The following FOCAD variants were observed in gnomAD, a reference collection of about 807,000 sequenced individuals.
The protein encoded by FOCAD is KIAA1797.
A neutral mutation model predicts 225.6 loss-of-function variants in FOCAD; 198 were observed. That is an observed-to-expected ratio of 0.88 (90% CI 0.78 to 0.99). The LOEUF (loss-of-function observed/expected upper bound fraction) is 0.99. FOCAD is among the 50% of genes least tolerant of loss of function. The probability of loss-of-function intolerance (pLI) is 0.00; values close to 1 mark genes in which losing one functional copy is unlikely to be tolerated. For synonymous variants in FOCAD, 897 were observed against 755.0 expected (o/e 1.19, Z -3.08); for missense variants, 2,713 against 2,123.6 (o/e 1.28, Z -5.46).
intron 21 of FOCAD, among the ~76,000 whole-genome samples, chr9:20,904,488 C>G (rs936408314): frequency 6.6e-6 from 1 of 151,930 alleles, no homozygotes; most frequent in South Asian, 2.1e-4. Flanking sequence ...CTTCTCGCAT[C>G]CCTGCCCTCA....
chr9:20,956,523 C>G (rs1838149244), intron 35 of FOCAD, among the ~76,000 whole-genome samples: 1 of 151,856 alleles, frequency 6.6e-6, no homozygotes, highest in African/African-American at 2.4e-5. Context: ...TATATTGTAC[C>G]ATAAAATGTA....
intron 35 of FOCAD, among the ~76,000 whole-genome samples, chr9:20,975,977 G>T (rs1840195876): frequency 6.6e-6 from 1 of 152,054 alleles, no homozygotes; most frequent in South Asian, 2.1e-4. Context: ...TCAAATACGG[G>T]GAATAAGTTC....
chr9:20,853,363 A>C (rs921743771), intron 15 of FOCAD, among the ~76,000 whole-genome samples: 1 of 151,796 alleles, frequency 6.6e-6, no homozygotes, highest in Non-Finnish European at 1.5e-5. Context: ...CAATCTGTTT[A>C]ATAAATGTCT....
At chr9:20,987,194 T>G (rs1265239634) in intron 40 of FOCAD, among the ~76,000 whole-genome samples, 2 of 152,184 alleles carry the variant, frequency 1.3e-5, no homozygotes, top group Non-Finnish European at 1.5e-5. Flanking sequence ...TGTATTGTTA[T>G]GATTTTTAGG....
chr9:20,809,352 C>A (rs1587255442), intron 11 of FOCAD, among the ~76,000 whole-genome samples: 1 of 151,994 alleles, frequency 6.6e-6, no homozygotes, highest in Non-Finnish European at 1.5e-5. Flanking sequence ...ACTATTAAGC[C>A]CTTGAAATTT....
At chr9:20,790,129 G>C (rs920478422) in intron 11 of FOCAD, among the ~76,000 whole-genome samples, 5 of 152,132 alleles carry the variant, frequency 3.3e-5, no homozygotes, top group African/African-American at 7.2e-5. Flanking sequence ...TAGGATATGA[G>C]GGTAAACAAT....
chr9:20,803,536 C>A (rs934445847), intron 11 of FOCAD, among the ~76,000 whole-genome samples: 4 of 152,060 alleles, frequency 2.6e-5, no homozygotes, highest in Admixed American at 2.0e-4. Context: ...TTAGTGTTCC[C>A]TTTGACAGAA....
At chr9:20,727,881 C>A (rs1826339312) in intron 4 of FOCAD, among the ~76,000 whole-genome samples, 1 of 152,108 alleles carries the variant, frequency 6.6e-6, no homozygotes, top group Non-Finnish European at 1.5e-5. Flanking sequence ...TTAATTCTAC[C>A]CCTGGTCAAA....
At chr9:20,964,786 G>C (rs770732997) in intron 35 of FOCAD, among the ~76,000 whole-genome samples, 2 of 152,052 alleles carry the variant, frequency 1.3e-5, no homozygotes, top group African/African-American at 4.8e-5. Context: ...CATCCTCCTC[G>C]GCCTCCCAAA....
intron 11 of FOCAD, among the ~76,000 whole-genome samples, chr9:20,819,271 T>C (rs1209216825): frequency 6.6e-6 from 1 of 152,142 alleles, no homozygotes; most frequent in East Asian, 1.9e-4. Context: ...TGGAGTGCAA[T>C]GGTGCAATCA....
intron 35 of FOCAD, among the ~76,000 whole-genome samples, chr9:20,962,967 A>C (rs900612769): frequency 6.6e-6 from 1 of 152,210 alleles, no homozygotes; most frequent in African/African-American, 2.4e-5. Flanking sequence ...TGGGGAAGGA[A>C]CTAGTTCACT....
At chr9:20,915,346 C>G (rs1420787598) in intron 23 of FOCAD, among the ~76,000 whole-genome samples, 3 of 151,994 alleles carry the variant, frequency 2.0e-5, no homozygotes, top group Admixed American at 6.6e-5. Context: ...AAGAGGGAAC[C>G]AATAAAGCAG....
At chr9:20,979,565 C>T (rs1358046510) in intron 37 of FOCAD, among the ~76,000 whole-genome samples, 3 of 152,154 alleles carry the variant, frequency 2.0e-5, no homozygotes, top group Non-Finnish European at 4.4e-5. Flanking sequence ...TTTCGAACTC[C>T]TGACCTCAAG....
rs1333427635 is a variant in FOCAD, at chr9:20,986,449, G to A, written c.4890G>A (p.Val1630=). 2 of 1,610,520 alleles carry A rather than the reference G, an allele frequency of 1.2e-6. No individual in the cohort carries two copies. The highest frequency in any genetic ancestry group is 1.7e-5 in the Admixed American group (1 of 59,454). ...ILHSLYQARI[V]SHANTGVLKR... The stretch of plus-strand genomic sequence containing the variant: ...ACAGCTTATACCAGGCACGGATTGT[G>A]AGCCATGCCAATACGGGTGAGGACA... The change falls in exon 40 of 44, where the codon GTG becomes GTA. Residue 1630 remains valine, a synonymous_variant. Coordinates refer to ENST00000338382, the MANE Select transcript of FOCAD (RefSeq NM_001375567.1).
In FOCAD at chr9:20,769,582, C is replaced by T. The variant is rs1017137216; in HGVS notation, c.700-450C>T. On this transcript the variant is annotated intron_variant, in intron 7 of 43. Transcript: ENST00000338382. ...GAGATGATACTCTCAGTTAAGGCTG[C>T]CTGAGCAAGTATCTTGCAGATAAAG... Among the ~76,000 whole-genome samples the T allele has an allele frequency of 3.3e-5, 5 of 152,286 alleles. No homozygotes were observed. In the East Asian group the frequency reaches 9.6e-4, roughly 29 times the overall value.
intron 21 of FOCAD, among the ~76,000 whole-genome samples, chr9:20,887,148 A>G (rs1014046030): frequency 5.3e-5 from 8 of 152,162 alleles, no homozygotes; most frequent in African/African-American, 1.9e-4. Context: ...TTCCAGATGA[A>G]ATTTCTTCAA....
intron 2 of FOCAD, among the ~76,000 whole-genome samples, chr9:20,660,111 G>A (rs192913268): frequency 6.6e-6 from 1 of 152,152 alleles, no homozygotes; most frequent in Non-Finnish European, 1.5e-5. Flanking sequence ...TTATGGACAG[G>A]TTCAGTGGTA....
chr9:20,877,721 C>T (rs1483503254), intron 19 of FOCAD, among the ~76,000 whole-genome samples: 1 of 152,110 alleles, frequency 6.6e-6, no homozygotes, highest in East Asian at 1.9e-4. Flanking sequence ...ACCAGCCTGG[C>T]CAACATGGTG....
At chr9:20,703,868 A>G (rs982555186) in intron 1 of FOCAD, among the ~76,000 whole-genome samples, 6 of 152,204 alleles carry the variant, frequency 3.9e-5, no homozygotes, top group Non-Finnish European at 7.3e-5. Context: ...CAATGAGGAA[A>G]CAGGTTCCAA....
Sources: allele counts gnomAD v4.1 joint callset (sites outside exome capture counted in the v4.1 genomes callset), GRCh38; gene constraint gnomAD v4.1.1; transcripts MANE v1.5; gene names NCBI Gene and HGNC (gene_info 2026-07-23, HGNC 2026-07-21).